The following ZNF425 variants were observed in gnomAD, a reference collection of about 807,000 sequenced individuals.
The protein encoded by ZNF425 is zinc finger protein 425.
A neutral mutation model predicts 17.0 loss-of-function variants in ZNF425; 21 were observed. The ratio of observed to expected loss-of-function variants is 1.23; its 90% CI spans 0.88 to 1.78. The LOEUF (loss-of-function observed/expected upper bound fraction) is 1.78, where lower values mean the gene tolerates loss of function less well. Among genes scored for constraint, ZNF425 ranks in the 40% most tolerant of loss-of-function variants. The probability of loss-of-function intolerance (pLI) is 0.00; values close to 1 mark genes in which losing one functional copy is unlikely to be tolerated. For synonymous variants in ZNF425, 433 were observed against 384.1 expected (o/e 1.13, Z -1.49); for missense variants, 868 against 967.3 (o/e 0.90, Z 1.36).
intron 2 of ZNF425, among the ~76,000 whole-genome samples, chr7:149,116,162 C>A (rs1290585645): frequency 6.6e-6 from 1 of 152,118 alleles, no homozygotes; most frequent in African/African-American, 2.4e-5. Flanking sequence ...TCTGTCTACA[C>A]AATTCTCCCT....
Position 149,105,394 on chromosome 7 carries a change from G to T in ZNF425, c.477C>A (p.Ser159Arg), listed in dbSNP as rs1158543201. Reference protein sequence around the residue: ...RETEILNKKVSITAYDPDKKD... With the variant: ...RETEILNKKVRITAYDPDKKD... ...TCTTGTCTGGATCATATGCTGTGAT[G>T]CTGACTTTTTTATTTAGAATCTCTG... The change falls in exon 4 of 4, where the codon AGC becomes AGA. Residue 159 changes from serine to arginine, a missense_variant. Around this residue, in one of 5 missense-constraint regions of ZNF425, gnomAD observed 179 missense variants for 216.3 expected, o/e 0.83. Coordinates refer to ENST00000378061, the MANE Select transcript of ZNF425 (RefSeq NM_001001661.3). The T allele has an allele frequency of 6.3e-7, 1 of 1,585,768 alleles. No individual in the cohort carries two copies. Among genetic ancestry groups the T allele is most frequent in the South Asian group, 1.2e-5 (1 of 86,166 alleles).
chr7:149,113,318 T>C (rs1826205430), intron 2 of ZNF425: 2 of 151,690 alleles, frequency 1.3e-5, no homozygotes, highest in South Asian at 4.1e-4. Flanking sequence ...ATCATTTTCA[T>C]AGTTGACTTC....
Position 149,126,187 on chromosome 7 carries a change from C to T in ZNF425, c.18+9G>A. 1 of 1,613,278 alleles carries T rather than the reference C, an allele frequency of 6.2e-7. No homozygotes were observed. The highest frequency in any genetic ancestry group is 1.7e-4 in the Middle Eastern group (1 of 6,060). ...GACAGAGCCTGCATCCTCCACCGGC[C>T]CTTCTTACCGAAGCCGGCTCGGCCA... On this transcript the variant is annotated intron_variant, in intron 1 of 3. Transcript: ENST00000378061.
rs760791863 is a variant in ZNF425 at position 149,104,839 on chromosome 7, GC to G, written c.1031del (p.Gly344AlafsTer2). 1.2e-5 allele frequency: 20 copies of G among 1,613,832 alleles called. No individual in the cohort carries two copies. Among genetic ancestry groups the G allele is most frequent in the Non-Finnish European group, 1.7e-5 (20 of 1,179,986 alleles). On this transcript the variant is annotated frameshift_variant, in exon 4 of 4. Transcript: ENST00000378061. LOFTEE classifies it low-confidence loss of function (END_TRUNC). The surrounding 1 kb of genome is among the most constrained non-coding windows in gnomAD (Gnocchi z 4.3). ...QCDRCFRLKR[G>X]MKVHLTQHSG... ...TGTGCTGGGTCAGATGGACCTTCAT[GC>G]CCCTCTTCAGGCGGAAGCACCGGTC...
chr7:149,108,675 C>T (rs1826121902), intron 3 of ZNF425, among the ~76,000 whole-genome samples: 1 of 152,036 alleles, frequency 6.6e-6, no homozygotes, highest in East Asian at 1.9e-4. Flanking sequence ...GGGTGGATCA[C>T]GAGGTCAGGA....
chr7:149,112,005 A>G, intron 3 of ZNF425, 132 bp downstream of exon 3: 1 of 911,090 alleles, frequency 1.1e-6, no homozygotes, highest in South Asian at 1.7e-5. Context: ...CTCTTGAGTA[A>G]AGAAAACTAA....
chr7:149,124,435 G>T (rs141409331), intron 1 of ZNF425, among the ~76,000 whole-genome samples: 1,983 of 152,264 alleles, frequency 0.013, 37 homozygotes, highest in African/African-American at 0.045. Flanking sequence ...GATTACAGGC[G>T]TAAGCCACCA....
At position 149,105,449 on chromosome 7, in the gene ZNF425, G is replaced by T; in HGVS notation, c.422C>A (p.Ala141Asp). ...KERKILLAQT[A>D]TFQSPSLRET... is the part of the protein sequence containing the mutation. ...TCGGAGACTTGGAGACTGGAAGGTG[G>T]CTGTTTGAGCTAATAAAATCTTTCT... Residue 141 changes from alanine (A) to aspartate (D), a missense_variant, in exon 4 of 4, where the codon GCC (alanine) becomes GAC (aspartate). Physicochemically the swap from Ala to Asp is moderately radical, Grantham distance 126. Coordinates refer to ENST00000378061, the MANE Select transcript of ZNF425 (RefSeq NM_001001661.3). 2 of 1,536,450 alleles carry T rather than the reference G, an allele frequency of 1.3e-6. No individual in the cohort carries two copies. Among genetic ancestry groups the T allele is most frequent in the Non-Finnish European group, 8.7e-7 (1 of 1,147,530 alleles).
intron 1 of ZNF425, among the ~76,000 whole-genome samples, chr7:149,119,753 AAAAAT>A (rs1485832284): frequency 2.0e-5 from 3 of 152,200 alleles, no homozygotes; most frequent in Non-Finnish European, 4.4e-5. Flanking sequence ...ATCTCTATTA[AAAAAT>A]AAAATAAAGT....
At chr7:149,123,556 G>T (rs565192391) in intron 1 of ZNF425, among the ~76,000 whole-genome samples, 1 of 152,212 alleles carries the variant, frequency 6.6e-6, no homozygotes, top group African/African-American at 2.4e-5. Flanking sequence ...TTATTGAGGC[G>T]GAGTCTCGCT....
At position 149,104,311 on chromosome 7, in the gene ZNF425, G is replaced by A. The variant is rs149328767; in HGVS notation, c.1560C>T (p.His520=). 4 of 1,613,550 alleles carry A rather than the reference G, an allele frequency of 2.5e-6. No homozygotes were observed. Among genetic ancestry groups the A allele is most frequent in the Non-Finnish European group, 3.4e-6 (4 of 1,180,044 alleles). ...CGCAGGAGAACGGCTTTTCCGTGGT[G>A]TGGACCTTCAGGTGCTGCGTGAGCC... The part of the protein sequence containing the change: ...QSRLTQHLKV[H]TTEKPFSCAE... The change falls in exon 4 of 4, where the codon CAC becomes CAT. Residue 520 remains histidine (H), a synonymous_variant. Transcript: ENST00000378061. This position sits in a 1 kb window ranked among gnomAD's most constrained non-coding sequence, Gnocchi z 4.3.
At chr7:149,107,345 A>AT (rs1056889019) in intron 3 of ZNF425, among the ~76,000 whole-genome samples, 8 of 126,120 alleles carry the variant, frequency 6.3e-5, no homozygotes, top group African/African-American at 3.0e-4. Flanking sequence ...TTATTTATTT[A>AT]TTTTTTTTCT....
rs771611305 is a variant in ZNF425 at position 149,103,961 on chromosome 7, G to A, written c.1910C>T (p.Pro637Leu). 1.2e-6 allele frequency: 2 copies of A among 1,614,154 alleles called. No homozygotes were observed. Among genetic ancestry groups the A allele is most frequent in the Admixed American group, 3.3e-5 (2 of 60,000 alleles). ...TTTGCCGCACATCACACAAGAGAAT[G>A]GCTTTTGGCCACTGTGCTGCAGCAG... ...SHLLQHSGQK[P>L]FSCVMCGKSF... The change falls in exon 4 of 4, where the codon CCA becomes CTA. Residue 637 changes from proline to leucine, a missense_variant. By Grantham distance (98) the Pro-to-Leu change is moderately conservative. Transcript: ENST00000378061.
chr7:149,107,397 G>C (rs570462422), intron 3 of ZNF425, among the ~76,000 whole-genome samples: 59 of 151,118 alleles, frequency 3.9e-4, no homozygotes, highest in Non-Finnish European at 7.8e-4. Context: ...GAGTGCAGTA[G>C]CGCGATCTCT....
Position 149,114,783 on chromosome 7 carries a change from TA to T in ZNF425, c.146-2489del, listed in dbSNP as rs75085279. 3.5e-3 allele frequency among the ~76,000 whole-genome samples: 396 copies of T among 114,706 alleles called. 1 individual carries two copies. The highest frequency in any genetic ancestry group is 4.7e-3 in the Middle Eastern group (1 of 212). 75.3% of individuals were successfully genotyped at this position (114,706 alleles called of 152,430 possible). ...GTGATCATTATGAGAACACTGTGAG[TA>T]AAAAAAAAAAAAAAGAAAAGAAAAG... On this transcript the variant is annotated intron_variant, in intron 2 of 3. Transcript: ENST00000378061.
chr7:149,113,959 G>A (rs1011322688), intron 2 of ZNF425, among the ~76,000 whole-genome samples: 1 of 150,300 alleles, frequency 6.7e-6, no homozygotes, highest in African/African-American at 2.5e-5. Context: ...AGGCTGCAGT[G>A]AGCTGTGATT....
At chr7:149,110,074 T>A (rs1279043715) in intron 3 of ZNF425, among the ~76,000 whole-genome samples, 3 of 151,466 alleles carry the variant, frequency 2.0e-5, no homozygotes, top group African/African-American at 7.3e-5. Context: ...ACGGGTTTCA[T>A]GATATTGGCA....
rs759373921 is a variant in ZNF425, at chr7:149,104,076, C to T, written c.1795G>A (p.Glu599Lys). 1.2e-6 allele frequency: 2 copies of T among 1,613,106 alleles called. No individual in the cohort carries two copies. The highest frequency in any genetic ancestry group is 1.1e-5 in the South Asian group (1 of 91,084). Residue 599 changes from glutamate to lysine, a missense_variant, in exon 4 of 4, where the codon GAG becomes AAG. Physicochemically the swap from Glu to Lys is moderately conservative, Grantham distance 56. This residue lies in a region of ZNF425 where 437 missense variants were observed against 444.2 expected (regional missense o/e 0.98). Transcript: ENST00000378061. This position sits in a 1 kb window ranked among gnomAD's most constrained non-coding sequence, Gnocchi z 4.3. Reference protein sequence around the residue: ...KTYTHQSQLTEHLRLHSGEKP... With the variant: ...KTYTHQSQLTKHLRLHSGEKP... ...TCTCCACTGTGCAGCCTCAGGTGCT[C>T]GGTGAGCTGAGACTGATGCGTGTAG...
chr7:149,108,885 T>C (rs1826125934), intron 3 of ZNF425, among the ~76,000 whole-genome samples: 1 of 151,956 alleles, frequency 6.6e-6, no homozygotes, highest in Non-Finnish European at 1.5e-5. Flanking sequence ...AGCAAGACTC[T>C]GTCTAAGAAA....
Sources: allele counts gnomAD v4.1 joint callset (sites outside exome capture counted in the v4.1 genomes callset), GRCh38; gene constraint gnomAD v4.1.1; regional missense constraint gnomAD v4.1.1; non-coding constraint Gnocchi (gnomAD v3.1); transcripts MANE v1.5; gene names NCBI Gene and HGNC (gene_info 2026-07-23, HGNC 2026-07-21).